The following AKAP9 variants were observed in gnomAD, a reference collection of about 807,000 sequenced individuals.
The protein encoded by AKAP9 is A-kinase anchoring protein 9, also known as A-kinase anchor protein 9.
AKAP9 carries 311 observed loss-of-function variants against 488.5 expected under a neutral mutation model. The ratio of observed to expected loss-of-function variants is 0.64; its 90% confidence interval spans 0.58 to 0.70. AKAP9 has a LOEUF of 0.70. Ranked by LOEUF, AKAP9 falls within the 30% of genes least tolerant of loss-of-function variation. The pLI, the probability that AKAP9 is intolerant of heterozygous loss-of-function variation, is 0.00. For synonymous variants in AKAP9, 1,462 were observed against 1,483.5 expected (o/e 0.99, Z 0.33); for missense variants, 4,215 against 4,374.5 (o/e 0.96, Z 1.03).
rs146648044 is a variant in AKAP9 at position 92,084,855 on chromosome 7, C to G, written c.8747C>G (p.Thr2916Arg). Reference sequence around the variant, plus strand: ...GACTGGGGTCAGGGAATTTATCTTACACACAGTCAGGGATTTGACATAGCA... The same window carrying G: ...GACTGGGGTCAGGGAATTTATCTTAGACACAGTCAGGGATTTGACATAGCA... ...GSDWGQGIYL[T>R]HSQGFDIASE... is the part of the protein sequence containing the mutation. Residue 2916 changes from threonine (T) to arginine (R), a missense_variant, in exon 35 of 50, where the codon ACA becomes AGA. By Grantham distance (71) the Thr-to-Arg change is moderately conservative (BLOSUM62 -1). This residue lies in a region of AKAP9 where 1,476 missense variants were observed against 1,477.4 expected (regional missense o/e 1.00). Coordinates refer to ENST00000356239, the MANE Select transcript of AKAP9 (RefSeq NM_005751.5). 16 of 1,612,790 alleles carry G rather than the reference C, an allele frequency of 9.9e-6. No homozygotes were observed. The highest frequency in any genetic ancestry group is 1.4e-5 in the Non-Finnish European group (16 of 1,179,342).
At chr7:92,062,229 T>A in intron 23 of AKAP9, 45 bp from the exon 24 acceptor site, 1 of 1,535,830 alleles carries the variant, frequency 6.5e-7, no homozygotes, top group Non-Finnish European at 9.0e-7. Context: ...GTGGTTGAAT[T>A]TGAAATGAAT....
At chr7:92,008,490 A>G (rs910533776) in intron 8 of AKAP9, among the ~76,000 whole-genome samples, 2 of 151,930 alleles carry the variant, frequency 1.3e-5, no homozygotes, top group Non-Finnish European at 2.9e-5. Flanking sequence ...GATCGAGACC[A>G]TCCTGGCTAA....
chr7:91,973,601 A>T, intron 1 of AKAP9, 110 bp from the exon 2 acceptor site: 1 of 1,151,338 alleles, frequency 8.7e-7, no homozygotes, highest in African/African-American at 1.6e-5. Flanking sequence ...TTTCATTTTT[A>T]TTTAGTGATA....
At chr7:92,009,892 G>C (rs970136728) in intron 8 of AKAP9, among the ~76,000 whole-genome samples, 13 of 151,936 alleles carry the variant, frequency 8.6e-5, no homozygotes, top group African/African-American at 2.9e-4. Flanking sequence ...ATTTTGTTTT[G>C]TTTTTGAGAT....
intron 1 of AKAP9, among the ~76,000 whole-genome samples, chr7:91,960,191 T>C (rs1793559302): frequency 6.6e-6 from 1 of 152,238 alleles, no homozygotes; most frequent in Non-Finnish European, 1.5e-5. Context: ...TTTTGAATAC[T>C]GGAGAAACTA....
intron 24 of AKAP9, among the ~76,000 whole-genome samples, chr7:92,063,118 A>G (rs1241459739): frequency 2.6e-5 from 4 of 152,272 alleles, no homozygotes; most frequent in African/African-American, 7.2e-5. Flanking sequence ...TCACTTTTAT[A>G]TTACACGTGC....
At chr7:91,954,917 T>A (rs899122215) in intron 1 of AKAP9, among the ~76,000 whole-genome samples, 1 of 152,362 alleles carries the variant, frequency 6.6e-6, no homozygotes, top group East Asian at 1.9e-4. Flanking sequence ...GAAGGAAAAT[T>A]GACTATGTTG....
intron 1 of AKAP9, among the ~76,000 whole-genome samples, chr7:91,958,919 C>T (rs1026617197): frequency 6.6e-6 from 1 of 151,924 alleles, no homozygotes; most frequent in African/African-American, 2.4e-5. Flanking sequence ...GGGTCTCACT[C>T]TGTCACCCAG....
At chr7:92,026,976 C>T (rs1245484991) in intron 14 of AKAP9, among the ~76,000 whole-genome samples, 17 of 145,268 alleles carry the variant, frequency 1.2e-4, no homozygotes, top group Admixed American at 4.1e-4. Flanking sequence ...CGCCTCTGCC[C>T]GGCCGCCCAT....
intron 1 of AKAP9, among the ~76,000 whole-genome samples, chr7:91,942,946 C>T (rs1790968483): frequency 1.3e-5 from 2 of 151,818 alleles, no homozygotes; most frequent in African/African-American, 4.8e-5. Flanking sequence ...AAAATGCTGA[C>T]ATTGGGAGCC....
intron 14 of AKAP9, among the ~76,000 whole-genome samples, chr7:92,029,597 C>T (rs969419035): frequency 2.0e-5 from 3 of 152,070 alleles, no homozygotes; most frequent in South Asian, 2.1e-4. Flanking sequence ...ACCTATGTAA[C>T]GTAGTGAGAC....
intron 1 of AKAP9, 25 bp from the exon 2 acceptor site, chr7:91,973,686 T>C: frequency 1.2e-6 from 2 of 1,610,698 alleles, no homozygotes; most frequent in South Asian, 1.1e-5. Context: ...TCTTTGACAA[T>C]AACGGTTATT....
chr7:92,061,173 T>C, intron 22 of AKAP9, 87 bp from the exon 23 acceptor site: 1 of 1,463,704 alleles, frequency 6.8e-7, no homozygotes, highest in South Asian at 1.2e-5. Flanking sequence ...TATTTTAAAA[T>C]CCTCCTTTTT....
At chr7:92,023,084 A>T in intron 14 of AKAP9, 75 bp downstream of exon 14, 2 of 1,517,210 alleles carry the variant, frequency 1.3e-6, no homozygotes, top group South Asian at 2.3e-5. Context: ...CAGAATGGTT[A>T]TTTAAAAAAG....
At chr7:91,957,545 G>A (rs1793174579) in intron 1 of AKAP9, among the ~76,000 whole-genome samples, 1 of 152,108 alleles carries the variant, frequency 6.6e-6, no homozygotes, top group Admixed American at 6.5e-5. Flanking sequence ...AAAGGAACAA[G>A]AATTCCAGAC....
chr7:92,031,674 A>C (rs1804262427), intron 16 of AKAP9, 70 bp downstream of exon 16: 2 of 1,171,228 alleles, frequency 1.7e-6, no homozygotes. Context: ...AAGAACATAG[A>C]TTTTATCGAT....
intron 2 of AKAP9, among the ~76,000 whole-genome samples, chr7:91,975,954 C>G (rs1795632935): frequency 7.5e-6 from 1 of 133,294 alleles, no homozygotes; most frequent in Non-Finnish European, 1.6e-5. Context: ...CAAAGTCTCG[C>G]TTTGACTTTG....
rs1222187660 is a variant in AKAP9, at chr7:92,079,179, T to C, written c.7046T>C (p.Ile2349Thr). ...GTGAAGAGAAATAGAGAAGAAGAAATAGAGCAGCTCAATGAAGTGATTGAA... is the reference window on the plus strand; with the variant it reads ...GTGAAGAGAAATAGAGAAGAAGAAACAGAGCAGCTCAATGAAGTGATTGAA... ...ECVKRNREEE[I>T]EQLNEVIEKL... is the part of the protein sequence containing the mutation. Residue 2349 changes from isoleucine to threonine, a missense_variant, in exon 31 of 50, where the codon ATA (isoleucine) becomes ACA (threonine). Physicochemically the swap from Ile to Thr is moderately conservative, Grantham distance 89. Coordinates refer to ENST00000356239, the MANE Select transcript of AKAP9 (RefSeq NM_005751.5). 1.2e-6 allele frequency: 2 copies of C among 1,613,836 alleles called. No individual in the cohort carries two copies. Among genetic ancestry groups the C allele is most frequent in the Middle Eastern group, 1.7e-4 (1 of 6,056 alleles).
chr7:92,013,937 A>G (rs11978024), intron 9 of AKAP9, among the ~76,000 whole-genome samples: 1,606 of 152,216 alleles, frequency 0.011, 25 homozygotes, highest in African/African-American at 0.037. Context: ...CAGTAGAAGA[A>G]TAAATATTGA....
Sources: allele counts gnomAD v4.1 joint callset (sites outside exome capture counted in the v4.1 genomes callset), GRCh38; gene constraint gnomAD v4.1.1; regional missense constraint gnomAD v4.1.1; transcripts MANE v1.5; gene names NCBI Gene and HGNC (gene_info 2026-07-23, HGNC 2026-07-21).